RIMS4: variants seen among roughly 807,000 people sequenced by gnomAD.
RIMS4 encodes the protein regulating synaptic membrane exocytosis protein 4.
In RIMS4, 9 loss-of-function variants were observed where a neutral mutation model predicts 29.0. The observed-to-expected ratio is 0.31, with a 90% CI of 0.19 to 0.54. The LOEUF is 0.54. RIMS4 is among the 20% of genes least tolerant of loss of function. The probability of loss-of-function intolerance (pLI) is 0.94; values close to 1 mark genes in which losing one functional copy is unlikely to be tolerated. For missense variants in RIMS4, 193 were observed against 365.7 expected (o/e 0.53, Z 3.85); for synonymous variants, 130 against 152.9 (o/e 0.85, Z 1.10).
chr20:44,775,298 C>T (rs1190720358), intron 1 of RIMS4, among the ~76,000 whole-genome samples: 2 of 152,162 alleles, frequency 1.3e-5, no homozygotes, highest in African/African-American at 2.4e-5. Context: ...CTTTTTACCA[C>T]TTCTGTGAGC....
intron 3 of RIMS4, 106 bp from the exon 4 acceptor site, chr20:44,757,877 A>G (rs1601016856): frequency 9.0e-7 from 1 of 1,106,110 alleles, no homozygotes; most frequent in East Asian, 2.4e-5. Flanking sequence ...CCCTGCTCCC[A>G]GCCCAGAATA....
At chr20:44,767,322 C>G (rs1041561814) in intron 2 of RIMS4, among the ~76,000 whole-genome samples, 3 of 152,204 alleles carry the variant, frequency 2.0e-5, no homozygotes, top group Non-Finnish European at 2.9e-5. Flanking sequence ...AGCTCCTGCC[C>G]TTTTCCTGGG....
intron 1 of RIMS4, among the ~76,000 whole-genome samples, chr20:44,781,776 T>A (rs1352317983): frequency 6.6e-6 from 1 of 152,170 alleles, no homozygotes; most frequent in Non-Finnish European, 1.5e-5. Context: ...GCTATTTCCA[T>A]CAGCATTTGG....
At chr20:44,779,680 G>T (rs1411753380) in intron 1 of RIMS4, among the ~76,000 whole-genome samples, 1 of 152,142 alleles carries the variant, frequency 6.6e-6, no homozygotes, top group Non-Finnish European at 1.5e-5. Context: ...CTCCAGTAAT[G>T]AGATATTACA....
intron 1 of RIMS4, among the ~76,000 whole-genome samples, chr20:44,806,159 G>A (rs2066297911): frequency 6.6e-6 from 1 of 152,116 alleles, no homozygotes. Context: ...CCATCCTATG[G>A]GCAAATCAGA....
intron 1 of RIMS4, among the ~76,000 whole-genome samples, chr20:44,794,079 A>T (rs1391849040): frequency 6.6e-6 from 1 of 152,176 alleles, no homozygotes; most frequent in East Asian, 1.9e-4. Context: ...CTAAAAATAA[A>T]GGCAGGAATG....
chr20:44,802,604 GC>G (rs1239175477), intron 1 of RIMS4, among the ~76,000 whole-genome samples: 1 of 152,166 alleles, frequency 6.6e-6, no homozygotes, highest in Non-Finnish European at 1.5e-5. Context: ...GTGCCTTCCA[GC>G]TACAGCGTGA....
chr20:44,800,053 C>A (rs1454142861), intron 1 of RIMS4, among the ~76,000 whole-genome samples: 3 of 152,198 alleles, frequency 2.0e-5, no homozygotes, highest in African/African-American at 7.2e-5. Flanking sequence ...CAGAGTCACA[C>A]AGCCAATAAG....
intron 1 of RIMS4, among the ~76,000 whole-genome samples, chr20:44,809,457 C>T (rs565393229): frequency 6.6e-6 from 1 of 152,218 alleles, no homozygotes; most frequent in African/African-American, 2.4e-5. Flanking sequence ...GGCTTCAGCC[C>T]ACCAAGAAAG....
intron 1 of RIMS4, among the ~76,000 whole-genome samples, chr20:44,790,920 G>A (rs1010755678): frequency 1.3e-5 from 2 of 152,198 alleles, no homozygotes; most frequent in South Asian, 2.1e-4. Flanking sequence ...CTATAAGAAC[G>A]GGAGCAGAAA....
intron 1 of RIMS4, among the ~76,000 whole-genome samples, chr20:44,797,324 C>A (rs148814091): frequency 1.2e-4 from 19 of 152,352 alleles, no homozygotes; most frequent in African/African-American, 4.6e-4. Context: ...GCAGTTACAA[C>A]AGAGACTGTA....
intron 1 of RIMS4, among the ~76,000 whole-genome samples, chr20:44,773,850 G>A (rs1216844631): frequency 3.3e-5 from 5 of 152,166 alleles, no homozygotes; most frequent in South Asian, 2.1e-4. Context: ...CAAGCTGGAC[G>A]GCATCTTCCC....
At position 44,763,202 on chromosome 20, in the gene RIMS4, G is replaced by A. The variant is rs185895553; in HGVS notation, c.237-5018C>T. On this transcript the variant is annotated intron_variant, in intron 2 of 5. Transcript: ENST00000372851. ...GAGTGAAGACTGGATTTGGCATAAC[G>A]CAGACCCTGGATGCCAGTACTGTAC... Among the ~76,000 whole-genome samples the A allele has an allele frequency of 7.4e-4, 112 of 152,312 alleles. 1 individual carries two copies. The Middle Eastern group carries it at 0.01, about 14-fold the overall frequency.
At chr20:44,761,117 A>G (rs2066083006) in intron 2 of RIMS4, among the ~76,000 whole-genome samples, 1 of 152,196 alleles carries the variant, frequency 6.6e-6, no homozygotes, top group African/African-American at 2.4e-5. Flanking sequence ...TCCAGCAAAC[A>G]GAGGACACAG....
rs979241020 is a variant in RIMS4 at position 44,755,603 on chromosome 20, T to C, written c.*531A>G. 1 of 153,354 alleles carries C rather than the reference T, an allele frequency of 6.5e-6. No individual in the cohort carries two copies. The highest frequency in any genetic ancestry group is 6.5e-5 in the Admixed American group (1 of 15,422). The allele number at this position is 153,354 out of a possible 1,614,324, so 9.5% of individuals were successfully genotyped here. On this transcript the variant is annotated 3_prime_UTR_variant, in exon 6 of 6. Transcript: ENST00000372851. ...CTTCCACGGGCAGGCAGAGGGAAGC[T>C]CAAGCTCCTCTTCAAGTGGGGGGCT...
Position 44,777,623 on chromosome 20 carries a change from T to C in RIMS4, c.98-6210A>G, listed in dbSNP as rs114697315. Among the ~76,000 whole-genome samples, 1,366 of 152,258 alleles carry C rather than the reference T, an allele frequency of 9.0e-3. 21 individuals are homozygous for C. Among genetic ancestry groups the C allele is most frequent in the African/African-American group, 0.031 (1,299 of 41,542 alleles). On this transcript the variant is annotated intron_variant, in intron 1 of 5. Coordinates refer to ENST00000372851, the MANE Select transcript of RIMS4 (RefSeq NM_182970.4). ...AGGTCTGTGTGAAAACAGATCATCA[T>C]ATACTCTTAACCACGAGACCTCAGG...
intron 1 of RIMS4, among the ~76,000 whole-genome samples, chr20:44,777,392 G>A (rs374828916): frequency 3.3e-4 from 50 of 152,270 alleles, no homozygotes; most frequent in East Asian, 5.8e-4. Context: ...ATAATAAAAC[G>A]ATGATAAATT....
At chr20:44,807,203 G>A (rs908002674) in intron 1 of RIMS4, among the ~76,000 whole-genome samples, 1 of 152,210 alleles carries the variant, frequency 6.6e-6, no homozygotes, top group Non-Finnish European at 1.5e-5. Flanking sequence ...GATGCCCCTT[G>A]AGAGGAATTC....
intron 1 of RIMS4, among the ~76,000 whole-genome samples, chr20:44,774,599 A>G (rs1418742530): frequency 6.6e-6 from 1 of 152,086 alleles, no homozygotes; most frequent in Non-Finnish European, 1.5e-5. Flanking sequence ...CAGACTGCCT[A>G]TTGTGGGACC....
Sources: allele counts gnomAD v4.1 joint callset (sites outside exome capture counted in the v4.1 genomes callset), GRCh38; gene constraint gnomAD v4.1.1; transcripts MANE v1.5; gene names NCBI Gene and HGNC (gene_info 2026-07-23, HGNC 2026-07-21).